NHSL1: variants seen among roughly 807,000 people sequenced by gnomAD.
NHSL1 encodes NHS-like protein 1.
NHSL1 carries 48 observed loss-of-function variants against 95.0 expected under a neutral mutation model. The observed-to-expected ratio is 0.51, with a 90% CI of 0.40 to 0.64. The LOEUF is 0.64. NHSL1 is among the 30% of genes least tolerant of loss of function. The pLI, the probability that NHSL1 is intolerant of heterozygous loss-of-function variation, is 0.00. For missense variants in NHSL1, 1,971 were observed against 2,077.7 expected (o/e 0.95, Z 1.00); for synonymous variants, 783 against 833.9 (o/e 0.94, Z 1.05).
Position 138,431,442 on chromosome 6 carries a change from G to T in NHSL1, c.2903C>A (p.Ser968Tyr). The change falls in exon 6 of 8, where the codon TCT becomes TAT. Residue 968 changes from serine (S) to tyrosine (Y), a missense_variant. Ser to Tyr is a moderately radical substitution (Grantham distance 144). Coordinates refer to ENST00000343505, the MANE Select transcript of NHSL1 (RefSeq NM_001144060.2). This position sits in a 1 kb window ranked among gnomAD's most constrained non-coding sequence, Gnocchi z 4.0. ...TGGCGGCGGAGGGGGGAACACAGGA[G>T]AGTGAGGCAGAGGAGAGCCCTGGGA... is the stretch of plus-strand genomic sequence containing the variant. ...DCSQGSPLPH[S>Y]PVFPPPPPEA... 1 of 1,550,996 alleles carries T rather than the reference G, an allele frequency of 6.4e-7. No individual in the cohort carries two copies. Among genetic ancestry groups the T allele is most frequent in the South Asian group, 1.2e-5 (1 of 84,028 alleles).
intron 1 of NHSL1, among the ~76,000 whole-genome samples, chr6:138,498,779 T>A (rs1051430505): frequency 6.6e-6 from 1 of 152,128 alleles, no homozygotes; most frequent in East Asian, 1.9e-4. Flanking sequence ...CAGGGGATTA[T>A]CTCCACCAGA....
At chr6:138,672,410 C>T (rs553949338) in intron 1 of NHSL1, among the ~76,000 whole-genome samples, 1 of 152,204 alleles carries the variant, frequency 6.6e-6, no homozygotes, top group South Asian at 2.1e-4. Context: ...TCTGACCGCC[C>T]AGCACTCAAC....
chr6:138,636,368 C>T (rs1432328362), intron 1 of NHSL1, among the ~76,000 whole-genome samples: 2 of 152,102 alleles, frequency 1.3e-5, no homozygotes, highest in Non-Finnish European at 2.9e-5. Flanking sequence ...GACAAGGATA[C>T]CCACTTTCAC....
At chr6:138,649,488 T>G (rs942188511) in intron 1 of NHSL1, among the ~76,000 whole-genome samples, 10 of 151,868 alleles carry the variant, frequency 6.6e-5, no homozygotes, top group Non-Finnish European at 1.0e-4. Context: ...TACATTTATT[T>G]GCAGGAGATG....
chr6:138,648,991 G>A (rs1785054214), intron 1 of NHSL1, among the ~76,000 whole-genome samples: 1 of 152,112 alleles, frequency 6.6e-6, no homozygotes, highest in Non-Finnish European at 1.5e-5. Context: ...TTGTTTATTG[G>A]TAAAATTAAG....
At chr6:138,440,947 C>A (rs1776488652) in intron 5 of NHSL1, among the ~76,000 whole-genome samples, 1 of 152,064 alleles carries the variant, frequency 6.6e-6, no homozygotes, top group Non-Finnish European at 1.5e-5. Context: ...ATAGGTTGGC[C>A]AAAGAGGAAA....
intron 2 of NHSL1, among the ~76,000 whole-genome samples, chr6:138,487,421 T>C (rs971344453): frequency 1.3e-5 from 2 of 152,250 alleles, no homozygotes; most frequent in African/African-American, 4.8e-5. Flanking sequence ...GAGGAAAGCA[T>C]TGACGACATT....
At chr6:138,496,420 C>T (rs1360659831) in intron 1 of NHSL1, 49 bp from the exon 2 acceptor site, 12 of 1,530,686 alleles carry the variant, frequency 7.8e-6, no homozygotes, top group East Asian at 2.4e-5. Context: ...TCATTGGCTA[C>T]GAGTTCATTA....
At chr6:138,464,323 C>G in intron 3 of NHSL1, 1 of 610,360 alleles carries the variant, frequency 1.6e-6, no homozygotes, top group Non-Finnish European at 3.0e-6. Flanking sequence ...GCGCCACACT[C>G]CTGGAGCTCC....
At chr6:138,443,530 T>C (rs1424963742) in intron 4 of NHSL1, among the ~76,000 whole-genome samples, 1 of 152,108 alleles carries the variant, frequency 6.6e-6, no homozygotes, top group Non-Finnish European at 1.5e-5. Context: ...AAAACATTAA[T>C]AGAAAGTTAC....
chr6:138,576,726 C>T (rs541423440), upstream of NHSL1, among the ~76,000 whole-genome samples: 30 of 152,308 alleles, frequency 2.0e-4, 1 homozygote, highest in African/African-American at 6.5e-4. Context: ...ACCAGCGGGA[C>T]GGAAGCCCCA....
intron 1 of NHSL1, among the ~76,000 whole-genome samples, chr6:138,626,905 A>AAG (rs1784747008): frequency 1.3e-5 from 1 of 76,562 alleles, no homozygotes; most frequent in Non-Finnish European, 2.7e-5. Context: ...AAAAAAAAAA[A>AAG]AAAAAAAAAA....
chr6:138,501,871 T>C (rs1422917309), upstream of NHSL1, among the ~76,000 whole-genome samples: 5 of 152,246 alleles, frequency 3.3e-5, no homozygotes, highest in African/African-American at 4.8e-5. Flanking sequence ...ACATTACTTA[T>C]AGTACCTAAT....
intron 1 of NHSL1, among the ~76,000 whole-genome samples, chr6:138,667,015 T>A (rs1236906381): frequency 6.6e-6 from 1 of 152,228 alleles, no homozygotes; most frequent in Non-Finnish European, 1.5e-5. Context: ...CTCAAGTGAC[T>A]ATTATGAAAA....
At chr6:138,631,321 G>A (rs758452600) in intron 1 of NHSL1, among the ~76,000 whole-genome samples, 1 of 152,108 alleles carries the variant, frequency 6.6e-6, no homozygotes, top group Non-Finnish European at 1.5e-5. Context: ...AAGTCGTGCT[G>A]GACTAGGCCC....
chr6:138,581,521 G>A (rs950839037), intron 1 of NHSL1, among the ~76,000 whole-genome samples: 41 of 151,574 alleles, frequency 2.7e-4, no homozygotes, highest in Admixed American at 2.2e-3. Context: ...GTGAAACCCC[G>A]TCTCTACTGA....
rs190863456 is a variant in NHSL1 at position 138,558,655 on chromosome 6, G to A, written c.202+13055C>T. ...AGGACGGTCTTGATCTCCTGACCTC[G>A]TGATCCACCTGCCTCGGCTTCCCAA... On this transcript the variant is annotated intron_variant, in intron 1 of 6. Transcript: ENST00000427025. Among the ~76,000 whole-genome samples the A allele has an allele frequency of 3.0e-3, 453 of 152,156 alleles. 2 individuals are homozygous for A. Among genetic ancestry groups the A allele is most frequent in the African/African-American group, 0.01 (424 of 41,506 alleles).
chr6:138,459,232 C>T (rs187482122), intron 3 of NHSL1, among the ~76,000 whole-genome samples: 62 of 152,286 alleles, frequency 4.1e-4, no homozygotes, highest in African/African-American at 1.4e-3. Context: ...AGGTGATCCA[C>T]CCAACTTTGC....
chr6:138,531,838 A>T (rs1782147475), intron 1 of NHSL1, among the ~76,000 whole-genome samples: 1 of 152,180 alleles, frequency 6.6e-6, no homozygotes, highest in African/African-American at 2.4e-5. Context: ...ATTAAACCAG[A>T]TGATACACCA....
Sources: allele counts gnomAD v4.1 joint callset (sites outside exome capture counted in the v4.1 genomes callset), GRCh38; gene constraint gnomAD v4.1.1; non-coding constraint Gnocchi (gnomAD v3.1); transcripts MANE v1.5; gene names NCBI Gene and HGNC (gene_info 2026-07-23, HGNC 2026-07-21).